Variants in ATRX observed in about 807,000 individuals in gnomAD.
ATRX encodes ATRX chromatin remodeler.
In ATRX, 12 loss-of-function variants were observed where a neutral mutation model predicts 172.6. The observed-to-expected ratio is 0.07, with a 90% confidence interval of 0.04 to 0.11. The LOEUF (loss-of-function observed/expected upper bound fraction) is 0.11, where lower values mean the gene tolerates loss of function less well. ATRX is among the 10% of genes least tolerant of loss of function. The pLI, the probability that ATRX is intolerant of heterozygous loss-of-function variation, is 1.00. For missense variants in ATRX, 1,368 were observed against 1,767.4 expected (o/e 0.77, Z 4.05); for synonymous variants, 674 against 594.7 (o/e 1.13, Z -1.94).
intron 30 of ATRX, among the ~76,000 whole-genome samples, chrX:77,548,704 G>C (rs1557054356): frequency 3.6e-5 from 4 of 112,551 alleles, no homozygotes; most frequent in Admixed American, 1.9e-4. Context: ...CTGGTATTAA[G>C]AATGACTAAG....
At chrX:77,628,636 T>C (rs2067979340) in intron 19 of ATRX, among the ~76,000 whole-genome samples, 1 of 112,004 alleles carries the variant, frequency 8.9e-6, no homozygotes, top group Non-Finnish European at 1.9e-5. Context: ...TTTAAGAAAC[T>C]GGGTCTCACA....
intron 27 of ATRX, among the ~76,000 whole-genome samples, chrX:77,579,344 T>C (rs2065744445): frequency 8.9e-6 from 1 of 111,919 alleles, no homozygotes; most frequent in South Asian, 3.7e-4. Flanking sequence ...GCAAGACCCA[T>C]TGCTCTGCTG....
intron 28 of ATRX, among the ~76,000 whole-genome samples, chrX:77,567,164 AC>A (rs1344931125): frequency 9.0e-6 from 1 of 111,513 alleles, no homozygotes; most frequent in African/African-American, 3.3e-5. Context: ...TATAAAACTA[AC>A]CCACAGGAAG....
At chrX:77,735,539 C>A (rs1440787378) in intron 1 of ATRX, among the ~76,000 whole-genome samples, 2 of 107,422 alleles carry the variant, frequency 1.9e-5, no homozygotes, top group African/African-American at 6.8e-5. Flanking sequence ...TTGCAGTGAG[C>A]CGAGATCGTG....
intron 1 of ATRX, among the ~76,000 whole-genome samples, chrX:77,740,695 C>G (rs1208110536): frequency 9.1e-6 from 1 of 110,127 alleles, no homozygotes; most frequent in Non-Finnish European, 1.9e-5. Flanking sequence ...AAAACACTTC[C>G]CCTCCCTAAT....
At chrX:77,716,323 A>AAAAAAT (rs1557165064) in intron 2 of ATRX, among the ~76,000 whole-genome samples, 2 of 21,025 alleles carry the variant, frequency 9.5e-5, no homozygotes, top group African/African-American at 3.3e-4. Context: ...AAAAAAAAAA[A>AAAAAAT]ATATATATAT....
chrX:77,759,773 T>C (rs1483036708), intron 1 of ATRX, among the ~76,000 whole-genome samples: 1 of 111,231 alleles, frequency 9.0e-6, no homozygotes, highest in African/African-American at 3.3e-5. Flanking sequence ...GTGGGCAATA[T>C]AGATCAGTGC....
intron 34 of ATRX, among the ~76,000 whole-genome samples, chrX:77,512,537 A>G (rs907603900): frequency 1.3e-4 from 15 of 112,660 alleles, no homozygotes; most frequent in African/African-American, 4.8e-4. Context: ...TGGTAACTTC[A>G]AAAAAACAAA....
rs2148629253 is a variant in ATRX, at chrX:77,684,100, C to T, written c.1156G>A (p.Ala386Thr). 8.3e-7 allele frequency: 1 copy of T among 1,208,209 alleles called. No individual in the cohort carries two copies. Residue 386 changes from alanine to threonine, a missense_variant, in exon 9 of 35, where the codon GCT (alanine) becomes ACT (threonine). By Grantham distance (58) the Ala-to-Thr change is moderately conservative. Coordinates refer to ENST00000373344, the MANE Select transcript of ATRX (RefSeq NM_000489.6). Reference protein sequence around the residue: ...QATDNSEISSATKLRQLKAFK... With the variant: ...QATDNSEISSTTKLRQLKAFK... ...GCCTTAAGCTGACGTAATTTTGTAG[C>T]AGAACTGATTTCTGAATTATCTGTT...
chrX:77,622,773 G>A (rs1348177590), intron 19 of ATRX, among the ~76,000 whole-genome samples: 2 of 110,596 alleles, frequency 1.8e-5, no homozygotes. Flanking sequence ...CTGTTTCGGC[G>A]CTGGAGGGGT....
chrX:77,768,349 T>C (rs1433522397), intron 1 of ATRX, among the ~76,000 whole-genome samples: 1 of 111,896 alleles, frequency 8.9e-6, no homozygotes, highest in Non-Finnish European at 1.9e-5. Context: ...ACCTTATGTT[T>C]CCTGCATTTT....
intron 1 of ATRX, among the ~76,000 whole-genome samples, chrX:77,764,524 T>C (rs1196114682): frequency 4.4e-5 from 5 of 112,369 alleles, no homozygotes; most frequent in African/African-American, 1.6e-4. Context: ...AACCCACAAG[T>C]AATGAAGAAA....
intron 10 of ATRX, chrX:77,674,188 A>C (rs1394814658): frequency 1.8e-5 from 2 of 111,401 alleles, no homozygotes; most frequent in Non-Finnish European, 3.8e-5. Flanking sequence ...TAATTCTAAG[A>C]CTTAATCGTG....
intron 5 of ATRX, among the ~76,000 whole-genome samples, chrX:77,694,589 A>C (rs1178073775): frequency 9.0e-6 from 1 of 111,201 alleles, no homozygotes; most frequent in Non-Finnish European, 1.9e-5. Flanking sequence ...GTTGATCCCT[A>C]TGTTAATATT....
intron 30 of ATRX, among the ~76,000 whole-genome samples, chrX:77,552,819 T>G (rs1557057053): frequency 9.1e-6 from 1 of 110,469 alleles, no homozygotes; most frequent in Non-Finnish European, 1.9e-5. Flanking sequence ...AATAATGACC[T>G]AAGGAGGAAG....
In ATRX at chrX:77,589,958, T is replaced by C. The variant is rs2066173398; in HGVS notation, c.6111-18A>G. ...AAACAAGGCTAAAAAAACAGATTAG[T>C]GTTTATGGATTAGAAGATTCCTAGT... is the stretch of plus-strand genomic sequence containing the variant. On this transcript the variant is annotated intron_variant, in intron 26 of 34. Transcript: ENST00000373344. 2 of 1,130,637 alleles carry C rather than the reference T, an allele frequency of 1.8e-6. No individual in the cohort carries two copies. Among genetic ancestry groups the C allele is most frequent in the East Asian group, 3.0e-5 (1 of 33,372 alleles). 93.2% of individuals were successfully genotyped at this position (1,130,637 alleles called of 1,213,427 possible).
intron 11 of ATRX, among the ~76,000 whole-genome samples, chrX:77,664,408 C>A (rs1231182359): frequency 1.8e-5 from 2 of 110,290 alleles, no homozygotes; most frequent in Non-Finnish European, 3.8e-5. Context: ...TACAGGCACG[C>A]ACTATCACGC....
intron 1 of ATRX, among the ~76,000 whole-genome samples, chrX:77,752,749 G>A (rs573839551): frequency 2.7e-5 from 3 of 112,052 alleles, no homozygotes; most frequent in African/African-American, 9.7e-5. Flanking sequence ...CACTGGTTCC[G>A]TTTATGTGAT....
At chrX:77,559,444 T>C (rs1265277123) in intron 28 of ATRX, among the ~76,000 whole-genome samples, 1 of 91,711 alleles carries the variant, frequency 1.1e-5, no homozygotes, top group Non-Finnish European at 2.1e-5. Context: ...TCTTTCTTTC[T>C]TTCCCTTTTT....
Sources: gnomAD v4.1 joint callset for allele counts (sites outside exome capture counted in the v4.1 genomes callset) on GRCh38, gnomAD v4.1.1 for gene constraint, MANE v1.5 for transcripts, NCBI Gene and HGNC (gene_info 2026-07-23, HGNC 2026-07-21) for gene names.